LIPG: variants seen among roughly 807,000 people sequenced by gnomAD.
LIPG encodes the protein endothelial lipase.
A neutral mutation model predicts 51.8 loss-of-function variants in LIPG; 34 were observed. That is an observed-to-expected ratio of 0.66 (90% confidence interval 0.50 to 0.87). The LOEUF (loss-of-function observed/expected upper bound fraction) is 0.87, where lower values mean the gene tolerates loss of function less well. Ranked by LOEUF, LIPG falls within the 40% of genes least tolerant of loss-of-function variation. LIPG has a pLI of 0.00. For synonymous variants in LIPG, 246 were observed against 246.1 expected, an observed-to-expected ratio of 1.00 and a Z score of 0.00; for missense variants, 580 against 652.7, an observed-to-expected ratio of 0.89 and a Z score of 1.21.
At chr18:49,568,390 CT>C (rs912840743) in intron 3 of LIPG, among the ~76,000 whole-genome samples, 14 of 148,076 alleles carry the variant, frequency 9.5e-5, no homozygotes, top group East Asian at 4.0e-4. Context: ...CTTATATTTA[CT>C]TTTTTTTTTG....
At chr18:49,565,648 T>C (rs2084597781) in intron 2 of LIPG, 150 bp downstream of exon 2, 2 of 904,368 alleles carry the variant, frequency 2.2e-6, no homozygotes, top group Admixed American at 4.2e-5. Context: ...CTGTGAAGAA[T>C]GTAACGGGCA....
At chr18:49,583,000 T>A (rs2084839155) in intron 7 of LIPG, among the ~76,000 whole-genome samples, 2 of 152,172 alleles carry the variant, frequency 1.3e-5, no homozygotes, top group South Asian at 4.1e-4. Context: ...ACCAGGTTTG[T>A]ACACGCACGT....
rs1200526933 is a variant in LIPG at position 49,592,259 on chromosome 18, T to C, written c.*1737T>C. 2 of 152,242 alleles carry C rather than the reference T, an allele frequency of 1.3e-5. No individual in the cohort carries two copies. Among genetic ancestry groups the C allele is most frequent in the Admixed American group, 6.5e-5 (1 of 15,282 alleles). 9.4% of individuals were successfully genotyped at this position (152,242 alleles called of 1,614,324 possible). A position where few individuals can be genotyped will look rare whatever the true frequency, so the allele number is the denominator to read the frequency against. Reference sequence around the variant, plus strand: ...TTCTCAAGCCAATTGTGTGCTTCTCTTGTTTCTGTGATTGCTTTCTAGCCA... The same window carrying C: ...TTCTCAAGCCAATTGTGTGCTTCTCCTGTTTCTGTGATTGCTTTCTAGCCA... On this transcript the variant is annotated 3_prime_UTR_variant, in exon 10 of 10. Transcript: ENST00000261292.
chr18:49,567,779 C>T (rs1356260624), intron 3 of LIPG, 158 bp downstream of exon 3: 1 of 701,540 alleles, frequency 1.4e-6, no homozygotes, highest in Non-Finnish European at 2.3e-6. Context: ...GTTTGGAATA[C>T]TTGAAAGCTG....
rs2084556618 is a variant in LIPG, at chr18:49,562,158, G to T, written c.-151G>T. 1.3e-6 allele frequency: 2 copies of T among 1,487,422 alleles called. No individual in the cohort carries two copies. 92.1% of individuals were successfully genotyped at this position (1,487,422 alleles called of 1,614,324 possible). A position where few individuals can be genotyped will look rare whatever the true frequency, so the allele number is the denominator to read the frequency against. ...CCTGCCACCGCCCGGGCTCCGTGCC[G>T]CCAAGTTTTCATTTTCCACCTTCTC... On this transcript the variant is annotated 5_prime_UTR_variant, in exon 1 of 10. Coordinates refer to ENST00000261292, the MANE Select transcript of LIPG (RefSeq NM_006033.4).
chr18:49,564,059 C>T lies in LIPG; in HGVS notation c.98-1258C>T, dbSNP rs145318279. On this transcript the variant is annotated intron_variant, in intron 1 of 9. Transcript: ENST00000261292. ...CTTTCATGACGGTTAACCTGACTTC[C>T]GCTCATGTGCATTCAGCAGCATTTT... is the stretch of plus-strand genomic sequence containing the variant. 6.1e-3 allele frequency among the ~76,000 whole-genome samples: 931 copies of T among 152,282 alleles called. 8 individuals are homozygous for T. Among genetic ancestry groups the T allele is most frequent in the African/African-American group, 0.021 (863 of 41,548 alleles).
At position 49,582,257 on chromosome 18, in the gene LIPG, G is replaced by A. The variant is rs2084827933; in HGVS notation, c.1037-105G>A. ...GGCTGCAGGCTGGGCTCAACCAAAA[G>A]AACACCAGCCCTAAAATCTCTGTGC... On this transcript the variant is annotated intron_variant, in intron 6 of 9. Transcript: ENST00000261292. The A allele has an allele frequency of 7.5e-6, 11 of 1,465,562 alleles. No homozygotes were observed. The South Asian group carries it at 1.3e-4, about 17-fold the overall frequency. 90.8% of individuals were successfully genotyped at this position (1,465,562 alleles called of 1,614,324 possible). A position where few individuals can be genotyped will look rare whatever the true frequency, so the allele number is the denominator to read the frequency against.
At chr18:49,573,534 C>T (rs570843901) in intron 4 of LIPG, among the ~76,000 whole-genome samples, 4 of 150,900 alleles carry the variant, frequency 2.7e-5, no homozygotes, top group South Asian at 2.1e-4. Flanking sequence ...GAGCCGAGAT[C>T]GTGCCACTGC....
intron 8 of LIPG, 113 bp from the exon 9 acceptor site, chr18:49,586,633 C>A: frequency 1.3e-6 from 1 of 759,366 alleles, no homozygotes; most frequent in Non-Finnish European, 2.4e-6. Flanking sequence ...TGAGTCGGGG[C>A]ATGGCATGAA....
At position 49,596,098 on chromosome 18, in the gene LIPG, A is replaced by AT. The variant is rs2084980817; in HGVS notation, c.*5577dup. 1.3e-5 allele frequency: 2 copies of AT among 152,202 alleles called. No individual in the cohort carries two copies. Among genetic ancestry groups the AT allele is most frequent in the Admixed American group, 1.3e-4 (2 of 15,280 alleles). The allele number at this position is 152,202 out of a possible 1,614,324, so 9.4% of individuals were successfully genotyped here. On this transcript the variant is annotated 3_prime_UTR_variant, in exon 10 of 10. Coordinates refer to ENST00000261292, the MANE Select transcript of LIPG (RefSeq NM_006033.4). ...CTCCTGTGACACACCATTTAACTACATAACAAACCTGCATACGTACCCCTG... is the reference window on the plus strand; with the variant it reads ...CTCCTGTGACACACCATTTAACTACATTAACAAACCTGCATACGTACCCCTG...
chr18:49,583,710 C>G lies in LIPG; in HGVS notation c.1312C>G (p.Arg438Gly). Reference protein sequence around the residue: ...KEFRSYLSQPRNPGRELNIRR... With the variant: ...KEFRSYLSQPGNPGRELNIRR... ...GTTTCGCAGCTACCTGTCTCAACCC[C>G]GCAACCCCGGACGGGAGCTGAATAT... is the stretch of plus-strand genomic sequence containing the variant. The change falls in exon 8 of 10, where the codon CGC becomes GGC. Residue 438 changes from arginine (R) to glycine (G), a missense_variant. Physicochemically the swap from Arg to Gly is moderately radical, Grantham distance 125. Transcript: ENST00000261292. The G allele has an allele frequency of 6.2e-7, 1 of 1,614,136 alleles. No homozygotes were observed. Among genetic ancestry groups the G allele is most frequent in the Non-Finnish European group, 8.5e-7 (1 of 1,180,024 alleles).
rs1201727733 is a variant in LIPG, at chr18:49,569,454, T to C, written c.477T>C (p.Ser159=). Residue 159 remains serine (S), a synonymous_variant, in exon 4 of 10, where the codon TCT becomes TCC. Coordinates refer to ENST00000261292, the MANE Select transcript of LIPG (RefSeq NM_006033.4). ...LDWLQEKDDF[S]LGNVHLIGYS... ...TTCTATAGGAGAAGGACGATTTTTC[T>C]CTCGGGAATGTCCACTTGATCGGCT... 1 of 1,614,182 alleles carries C rather than the reference T, an allele frequency of 6.2e-7. No individual in the cohort carries two copies. Among genetic ancestry groups the C allele is most frequent in the African/African-American group, 1.3e-5 (1 of 75,042 alleles).
chr18:49,583,133 GGGGA>G (rs1415022275), intron 7 of LIPG, among the ~76,000 whole-genome samples: 2 of 152,168 alleles, frequency 1.3e-5, no homozygotes, highest in Admixed American at 1.3e-4. Context: ...AGGTCTGTGG[GGGGA>G]GCTGGTTTTC....
At chr18:49,578,576 C>T (rs1490994991) in intron 5 of LIPG, among the ~76,000 whole-genome samples, 13 of 146,078 alleles carry the variant, frequency 8.9e-5, no homozygotes, top group African/African-American at 2.1e-4. Context: ...ACATCCCAGA[C>T]GATGGGCGGC....
Position 49,562,304 on chromosome 18 carries a change from G to A in LIPG, c.-5G>A, listed in dbSNP as rs759889790. The A allele has an allele frequency of 1.9e-6, 3 of 1,612,238 alleles. No homozygotes were observed. The African/African-American group carries it at 4.0e-5, about 22-fold the overall frequency. On this transcript the variant is annotated 5_prime_UTR_variant, in exon 1 of 10. Coordinates refer to ENST00000261292, the MANE Select transcript of LIPG (RefSeq NM_006033.4). ...GTTTCTTGGGAGGGGGTGTGGCGGGGCAGGATGAGCAACTCCGTTCCTCTG... is the reference window on the plus strand; with the variant it reads ...GTTTCTTGGGAGGGGGTGTGGCGGGACAGGATGAGCAACTCCGTTCCTCTG...
intron 9 of LIPG, among the ~76,000 whole-genome samples, chr18:49,588,033 G>A (rs1161936190): frequency 1.3e-5 from 2 of 152,048 alleles, no homozygotes; most frequent in African/African-American, 4.8e-5. Flanking sequence ...CAAGTGATCC[G>A]CCTGCCTTGG....
intron 1 of LIPG, among the ~76,000 whole-genome samples, chr18:49,563,033 CT>C (rs2148846428): frequency 6.6e-6 from 1 of 152,316 alleles, no homozygotes; most frequent in South Asian, 2.1e-4. Context: ...TTCTCTTCCT[CT>C]TGGGTTCTGT....
rs771823302 is a variant in LIPG at position 49,583,804 on chromosome 18, G to T, written c.1376+30G>T. On this transcript the variant is annotated intron_variant, in intron 8 of 9. Transcript: ENST00000261292. ...GTGCCTCCTGCTCCTTCTTCTGCCT[G>T]GTGTAGGTGGGGAACAGAAGGCTGT... The T allele has an allele frequency of 4.5e-6, 7 of 1,570,972 alleles. No individual in the cohort carries two copies. The African/African-American group carries it at 9.5e-5, about 21-fold the overall frequency.
chr18:49,589,132 CTGGG>C (rs1315374753), intron 9 of LIPG, among the ~76,000 whole-genome samples: 5 of 152,262 alleles, frequency 3.3e-5, no homozygotes, highest in Non-Finnish European at 7.4e-5. Context: ...TCGCGTCTGT[CTGGG>C]TATCAATTAT....
Sources: allele counts gnomAD v4.1 joint callset (sites outside exome capture counted in the v4.1 genomes callset), GRCh38; gene constraint gnomAD v4.1.1; transcripts MANE v1.5; gene names NCBI Gene and HGNC (gene_info 2026-07-23, HGNC 2026-07-21).